The following GPR176 variants were observed in gnomAD, a reference collection of about 807,000 sequenced individuals.
GPR176 encodes G-protein coupled receptor 176.
A neutral mutation model predicts 35.4 loss-of-function variants in GPR176; 26 were observed. The observed-to-expected ratio is 0.74, with a 90% CI of 0.54 to 1.02. The LOEUF is 1.02. Among genes scored for constraint, GPR176 ranks in the 50% least tolerant of loss-of-function variants. GPR176 has a pLI of 0.00. For synonymous variants in GPR176, 278 were observed against 271.3 expected (o/e 1.02, Z -0.24); for missense variants, 597 against 665.3 (o/e 0.90, Z 1.13).
chr15:39,919,951 C>A lies in GPR176; in HGVS notation c.76G>T (p.Val26Leu). Residue 26 changes from valine (V) to leucine (L), a missense_variant, in exon 1 of 3, where the codon GTG (valine) becomes TTG (leucine). Around this residue, in one of 3 missense-constraint regions of GPR176, gnomAD observed 126 missense variants for 112.4 expected, o/e 1.12. Coordinates refer to ENST00000561100, the MANE Select transcript of GPR176 (RefSeq NM_007223.3). ...HNASGAEAAG[V>L]NRSALGEFGE... is the part of the protein sequence containing the mutation. ...AACTCCCCGAGCGCGCTGCGGTTCA[C>A]ACCCGCAGCCTCGGCGCCGGACGCG... The A allele has an allele frequency of 6.7e-7, 1 of 1,499,950 alleles. No individual in the cohort carries two copies. Among genetic ancestry groups the A allele is most frequent in the South Asian group, 1.3e-5 (1 of 77,676 alleles). The allele number at this position is 1,499,950 out of a possible 1,614,324, so 92.9% of individuals were successfully genotyped here. A position where few individuals can be genotyped will look rare whatever the true frequency, so the allele number is the denominator to read the frequency against.
At chr15:39,860,710 T>C (rs1446714575) in intron 1 of GPR176, 2 of 152,204 alleles carry the variant, frequency 1.3e-5, no homozygotes, top group Non-Finnish European at 2.9e-5. Context: ...TGCTTGCCGA[T>C]GAGGATTTTA....
rs145413836 is a variant in GPR176 at position 39,828,741 on chromosome 15, T to C, written c.173-21483A>G. 2.8e-3 allele frequency among the ~76,000 whole-genome samples: 421 copies of C among 152,288 alleles called. 3 individuals carry two copies. Among genetic ancestry groups the C allele is most frequent in the African/African-American group, 9.7e-3 (403 of 41,554 alleles). On this transcript the variant is annotated intron_variant, in intron 1 of 2. Coordinates refer to ENST00000561100, the MANE Select transcript of GPR176 (RefSeq NM_007223.3). ...GAATCAATAAGAGTTTCAGGAGACA[T>C]TGGCACACCTCACAGGCAAAGCCCT...
intron 1 of GPR176, chr15:39,860,833 G>GT (rs1438400467): frequency 1.3e-5 from 2 of 152,086 alleles, no homozygotes; most frequent in East Asian, 1.9e-4. Context: ...AAAATGAAAC[G>GT]TAAGTTCCAT....
At chr15:39,811,545 T>C (rs538555517) in intron 1 of GPR176, among the ~76,000 whole-genome samples, 1 of 152,266 alleles carries the variant, frequency 6.6e-6, no homozygotes, top group Non-Finnish European at 1.5e-5. Context: ...TATTTACCAG[T>C]TGAGCACCTC....
intron 1 of GPR176, chr15:39,807,505 G>A: frequency 7.1e-7 from 1 of 1,401,816 alleles, no homozygotes. Context: ...TTAATTTTGG[G>A]CAAAATAGTA....
At chr15:39,845,682 G>A (rs2030370808) in intron 1 of GPR176, among the ~76,000 whole-genome samples, 1 of 152,138 alleles carries the variant, frequency 6.6e-6, no homozygotes, top group Middle Eastern at 3.4e-3. Flanking sequence ...AGGTCTGTCT[G>A]AGGAGATATT....
intron 1 of GPR176, among the ~76,000 whole-genome samples, chr15:39,833,192 C>T (rs1400713988): frequency 6.6e-6 from 1 of 152,020 alleles, no homozygotes; most frequent in African/African-American, 2.4e-5. Flanking sequence ...CACATAGAAA[C>T]TTGTACAAAA....
intron 1 of GPR176, among the ~76,000 whole-genome samples, chr15:39,899,288 G>A (rs937775584): frequency 6.6e-6 from 1 of 152,204 alleles, no homozygotes; most frequent in African/African-American, 2.4e-5. Context: ...CTGGATGACA[G>A]TTTCAGCTTC....
intron 1 of GPR176, chr15:39,829,372 C>A: frequency 1.6e-6 from 2 of 1,280,224 alleles, no homozygotes; most frequent in Non-Finnish European, 2.0e-6. Context: ...ACACAAGGAG[C>A]TCACAATGCT....
chr15:39,917,843 G>C (rs906831608), intron 1 of GPR176, among the ~76,000 whole-genome samples: 2 of 151,768 alleles, frequency 1.3e-5, no homozygotes, highest in African/African-American at 2.4e-5. Context: ...TCAAGAGTTC[G>C]AGACCAGCTT....
intron 1 of GPR176, among the ~76,000 whole-genome samples, chr15:39,861,632 T>C (rs1406957361): frequency 1.3e-5 from 2 of 152,194 alleles, no homozygotes; most frequent in Non-Finnish European, 2.9e-5. Flanking sequence ...AATCTTTCTT[T>C]TTTGTTCAGG....
chr15:39,877,120 T>C (rs971683343), intron 1 of GPR176, among the ~76,000 whole-genome samples: 2 of 152,198 alleles, frequency 1.3e-5, no homozygotes, highest in African/African-American at 4.8e-5. Flanking sequence ...CTAGCAGCTC[T>C]GAAACACCTA....
intron 1 of GPR176, among the ~76,000 whole-genome samples, chr15:39,832,219 A>T (rs1310148257): frequency 2.6e-5 from 4 of 152,132 alleles, no homozygotes; most frequent in African/African-American, 9.7e-5. Context: ...AGATAATAAC[A>T]AGTGCTGGTG....
chr15:39,819,198 G>A (rs753984259), intron 1 of GPR176, among the ~76,000 whole-genome samples: 16 of 152,206 alleles, frequency 1.1e-4, no homozygotes, highest in Non-Finnish European at 2.4e-4. Context: ...TGGAGTGGAC[G>A]TGCAACAGCT....
chr15:39,869,489 C>T (rs959657896), intron 1 of GPR176, among the ~76,000 whole-genome samples: 1 of 152,104 alleles, frequency 6.6e-6, no homozygotes, highest in African/African-American at 2.4e-5. Context: ...AGCCCTGAGC[C>T]ATCAATCCTC....
At chr15:39,813,783 T>C (rs1020183949) in intron 1 of GPR176, among the ~76,000 whole-genome samples, 1 of 152,170 alleles carries the variant, frequency 6.6e-6, no homozygotes, top group Non-Finnish European at 1.5e-5. Context: ...CTATTTTATA[T>C]TGATGGGTTT....
intron 1 of GPR176, among the ~76,000 whole-genome samples, chr15:39,839,056 C>T (rs1406902999): frequency 6.6e-6 from 1 of 152,180 alleles, no homozygotes; most frequent in Admixed American, 6.6e-5. Flanking sequence ...AACGGCCATA[C>T]TGCCCAAGGT....
At chr15:39,874,806 G>A (rs998688629) in intron 1 of GPR176, among the ~76,000 whole-genome samples, 1 of 152,140 alleles carries the variant, frequency 6.6e-6, no homozygotes, top group African/African-American at 2.4e-5. Flanking sequence ...CACTTTGGGG[G>A]GCCAAGGCAG....
intron 1 of GPR176, among the ~76,000 whole-genome samples, chr15:39,888,313 T>C (rs2032744795): frequency 6.6e-6 from 1 of 152,132 alleles, no homozygotes; most frequent in Non-Finnish European, 1.5e-5. Flanking sequence ...GGAGACAAGG[T>C]CTCACCCTGT....
Sources: allele counts gnomAD v4.1 joint callset (sites outside exome capture counted in the v4.1 genomes callset), GRCh38; gene constraint gnomAD v4.1.1; regional missense constraint gnomAD v4.1.1; transcripts MANE v1.5; gene names NCBI Gene and HGNC (gene_info 2026-07-23, HGNC 2026-07-21).